Variants in TTC6 observed in about 807,000 individuals in gnomAD.
TTC6 encodes tetratricopeptide repeat protein 6.
In TTC6, 172 loss-of-function variants were observed where a neutral mutation model predicts 210.4. The ratio of observed to expected loss-of-function variants is 0.82; its 90% CI spans 0.72 to 0.93. The LOEUF (loss-of-function observed/expected upper bound fraction) is 0.93, where lower values mean the gene tolerates loss of function less well. Ranked by LOEUF, TTC6 falls within the 40% of genes least tolerant of loss-of-function variation. The pLI is 0.00. For synonymous variants in TTC6, 804 were observed against 819.6 expected, an observed-to-expected ratio of 0.98 and a Z score of 0.32; for missense variants, 2,414 against 2,318.1, an observed-to-expected ratio of 1.04 and a Z score of -0.85.
rs570209401 is a variant in TTC6 at position 37,758,377 on chromosome 14, G to A, written c.3266+5142G>A. Among the ~76,000 whole-genome samples the A allele has an allele frequency of 1.6e-4, 24 of 152,230 alleles. No individual in the cohort carries two copies. The South Asian group carries it at 4.6e-3, about 29-fold the overall frequency. ...ATCTGGGTTCTCCTGTATTGTATTGGGTGCATATATATTTAGGATAGTTAG... is the reference window on the plus strand; with the variant it reads ...ATCTGGGTTCTCCTGTATTGTATTGAGTGCATATATATTTAGGATAGTTAG... On this transcript the variant is annotated intron_variant, in intron 14 of 30. Coordinates refer to ENST00000553443, the Ensembl canonical transcript of TTC6.
chr14:37,766,552 T>C (rs1186550757), intron 14 of TTC6, among the ~76,000 whole-genome samples: 1 of 152,230 alleles, frequency 6.6e-6, no homozygotes, highest in African/African-American at 2.4e-5. Flanking sequence ...TGTTCATTTT[T>C]ATGGCTGCAT....
intron 1 of TTC6, among the ~76,000 whole-genome samples, chr14:37,603,890 C>A (rs1464088978): frequency 6.6e-6 from 1 of 152,224 alleles, no homozygotes; most frequent in Non-Finnish European, 1.5e-5. Flanking sequence ...CTGCAGGGGA[C>A]TAGCTCTCCC....
At chr14:37,836,420 T>C (rs1237125993) in intron 29 of TTC6, among the ~76,000 whole-genome samples, 1 of 152,216 alleles carries the variant, frequency 6.6e-6, no homozygotes, top group African/African-American at 2.4e-5. Context: ...TTTCCATAGA[T>C]GTTTAAGATC....
rs35310265 is a variant in TTC6, at chr14:37,736,026, G to A, written c.1908+16G>A. 82,928 of 1,370,896 alleles carry A rather than the reference G, an allele frequency of 0.06. 2,837 individuals carry two copies. Among genetic ancestry groups the A allele is most frequent in the Non-Finnish European group, 0.069 (69,497 of 1,000,930 alleles). 84.9% of individuals were successfully genotyped at this position (1,370,896 alleles called of 1,614,324 possible). On this transcript the variant is annotated intron_variant, in intron 8 of 30. Coordinates refer to ENST00000553443, the Ensembl canonical transcript of TTC6. The stretch of plus-strand genomic sequence containing the variant: ...AAATTTTTGGGTATGTACAATTTTT[G>A]TTCTTAATTAGGATTGTTTACTCTA...
chr14:37,686,285 A>G (rs776704562), intron 3 of TTC6, among the ~76,000 whole-genome samples: 2 of 152,234 alleles, frequency 1.3e-5, no homozygotes, highest in Non-Finnish European at 2.9e-5. Context: ...TAAAGCACTT[A>G]GAACAATGCC....
At chr14:37,771,213 C>A (rs571769143) in intron 14 of TTC6, among the ~76,000 whole-genome samples, 1 of 152,316 alleles carries the variant, frequency 6.6e-6, no homozygotes, top group East Asian at 1.9e-4. Context: ...GTAACCCGAC[C>A]TTTCTGTCTG....
intron 22 of TTC6, among the ~76,000 whole-genome samples, 173 bp downstream of exon 24, chr14:37,806,683 T>A (rs2096119231): frequency 6.6e-6 from 1 of 152,354 alleles, no homozygotes; most frequent in Admixed American, 6.5e-5. Context: ...CTAAAAGTAT[T>A]ATTTCCATCA....
chr14:37,647,141 C>T (rs1290874683), intron 1 of TTC6, among the ~76,000 whole-genome samples: 1 of 152,198 alleles, frequency 6.6e-6, no homozygotes, highest in Non-Finnish European at 1.5e-5. Flanking sequence ...ACTGTCCCTT[C>T]TGAGAATCAC....
intron 14 of TTC6, among the ~76,000 whole-genome samples, chr14:37,783,325 T>G (rs1247905525): frequency 6.6e-6 from 1 of 152,186 alleles, no homozygotes; most frequent in African/African-American, 2.4e-5. Context: ...ATTGGTCTAT[T>G]CAGGGATTCA....
At chr14:37,824,819 C>T (rs1360926296) in intron 27 of TTC6, among the ~76,000 whole-genome samples, 1 of 152,008 alleles carries the variant, frequency 6.6e-6, no homozygotes, top group Admixed American at 6.6e-5. Context: ...GTGGAACCAG[C>T]CCATCAGAAA....
intron 4 of TTC6, among the ~76,000 whole-genome samples, chr14:37,699,607 A>G (rs968476838): frequency 1.3e-5 from 2 of 152,200 alleles, no homozygotes; most frequent in Admixed American, 1.3e-4. Flanking sequence ...GGGAATAGAC[A>G]GAGGCTGCCG....
chr14:37,655,360 T>C (rs1047838498), intron 1 of TTC6, among the ~76,000 whole-genome samples: 3 of 152,222 alleles, frequency 2.0e-5, no homozygotes, highest in Non-Finnish European at 4.4e-5. Context: ...AGTTTAACTT[T>C]CTGCATTTTA....
At chr14:37,717,945 C>T (rs2095855344) in intron 6 of TTC6, among the ~76,000 whole-genome samples, 1 of 152,190 alleles carries the variant, frequency 6.6e-6, no homozygotes, top group Non-Finnish European at 1.5e-5. Context: ...GCAAGTTCAG[C>T]TCTCTTTTTC....
At chr14:37,672,713 G>A (rs1029921768) in intron 1 of TTC6, among the ~76,000 whole-genome samples, 2 of 152,050 alleles carry the variant, frequency 1.3e-5, no homozygotes, top group Non-Finnish European at 2.9e-5. Flanking sequence ...ATAAAGAATA[G>A]TGCATTGCCC....
chr14:37,839,115 A>G (rs376788376), intron 29 of TTC6, among the ~76,000 whole-genome samples: 1 of 152,290 alleles, frequency 6.6e-6, no homozygotes, highest in East Asian at 1.9e-4. Context: ...ATACGTGTGC[A>G]TGTGTCTTTA....
upstream of TTC6, among the ~76,000 whole-genome samples, chr14:37,621,077 C>T (rs557098977): frequency 6.6e-6 from 1 of 152,312 alleles, no homozygotes; most frequent in African/African-American, 2.4e-5. Context: ...GAGGCTTCCC[C>T]CATTCCCTTC....
intron 7 of TTC6, among the ~76,000 whole-genome samples, chr14:37,732,231 G>T (rs2095888604): frequency 7.8e-6 from 1 of 127,472 alleles, no homozygotes; most frequent in Admixed American, 9.4e-5. Context: ...CACCCAGGCT[G>T]GAGTGCAGTG....
intron 14 of TTC6, among the ~76,000 whole-genome samples, chr14:37,762,313 C>G (rs529965737): frequency 3.9e-5 from 6 of 152,240 alleles, no homozygotes; most frequent in South Asian, 2.1e-4. Context: ...CTTTGACATA[C>G]TGATTTCAAA....
chr14:37,715,158 A>T, intron 6 of TTC6, among the ~76,000 whole-genome samples: 1 of 152,098 alleles, frequency 6.6e-6, no homozygotes, highest in East Asian at 1.9e-4. Context: ...CAACAGAGAG[A>T]GTCCCTGTCT....
Sources: allele counts gnomAD v4.1 joint callset (sites outside exome capture counted in the v4.1 genomes callset), GRCh38; gene constraint gnomAD v4.1.1; transcripts MANE v1.5; gene names NCBI Gene and HGNC (gene_info 2026-07-23, HGNC 2026-07-21).